Variants in BLTP1 observed in about 807,000 individuals in gnomAD.
The protein encoded by BLTP1 is bridge-like lipid transfer protein family member 1.
chr4:122,351,778 G>T, the BLTP1 span, among the ~76,000 whole-genome samples: 1 of 152,026 alleles, frequency 6.6e-6, no homozygotes, highest in Non-Finnish European at 1.5e-5. Context: ...CAAAATGCCT[G>T]GCCTGGATTC....
chr4:122,204,553 CTGTT>C, the BLTP1 span: 2,995 of 984,828 alleles, frequency 3.0e-3, 70 homozygotes, highest in African/African-American at 0.048. Context: ...AGACTGCAGA[CTGTT>C]TGCCTTCTCT....
At chr4:122,155,064 T>G in the BLTP1 span, 1 of 377,054 alleles carries the variant, frequency 2.7e-6, no homozygotes, top group African/African-American at 2.2e-5. Flanking sequence ...GTGTCAGACA[T>G]CCAGGCTTCT....
chr4:122,345,152 G>A, the BLTP1 span: 1 of 542,486 alleles, frequency 1.8e-6, no homozygotes, highest in South Asian at 8.0e-5. Flanking sequence ...TATTAAGCCT[G>A]TGTTTTAGGG....
chr4:122,216,963 T>G, the BLTP1 span, among the ~76,000 whole-genome samples: 2 of 152,194 alleles, frequency 1.3e-5, no homozygotes, highest in African/African-American at 4.8e-5. Context: ...AGGATACAGT[T>G]TCATTCTTCT....
chr4:122,273,475 C>G, the BLTP1 span: 4 of 969,872 alleles, frequency 4.1e-6, no homozygotes, highest in Non-Finnish European at 4.9e-6. Flanking sequence ...GCTCAGATGT[C>G]TAAGTTGATA....
chr4:122,252,594 A>G, the BLTP1 span, among the ~76,000 whole-genome samples: 4 of 152,176 alleles, frequency 2.6e-5, no homozygotes, highest in African/African-American at 9.7e-5. Flanking sequence ...AAGAGTGGGA[A>G]GGTCTGTGTC....
At chr4:122,356,960 A>G in the BLTP1 span, 1,301 of 983,928 alleles carry the variant, frequency 1.3e-3, 9 homozygotes, top group African/African-American at 0.021. Context: ...ATACTTTACA[A>G]AGTGTTTCTG....
chr4:122,171,692 C>T, the BLTP1 span: 1 of 335,968 alleles, frequency 3.0e-6, no homozygotes, highest in Non-Finnish European at 4.2e-6. Flanking sequence ...TTTCATGACA[C>T]CCAAGGATGT....
the BLTP1 span, chr4:122,279,799 C>G: frequency 6.2e-7 from 1 of 1,613,740 alleles, no homozygotes; most frequent in Non-Finnish European, 8.5e-7. Context: ...GTAGTATTGC[C>G]AAGTCCCAAG....
chr4:122,176,929 G>A, the BLTP1 span, among the ~76,000 whole-genome samples: 1 of 152,066 alleles, frequency 6.6e-6, no homozygotes, highest in African/African-American at 2.4e-5. Context: ...AAACACACTG[G>A]TGTTTTAATA....
the BLTP1 span, chr4:122,255,066 T>C: frequency 2.6e-6 from 4 of 1,520,924 alleles, no homozygotes; most frequent in Admixed American, 5.9e-5. Context: ...AATTACTGAA[T>C]GTCTTTTATT....
the BLTP1 span, chr4:122,337,284 CACTTA>C: frequency 2.4e-6 from 1 of 412,750 alleles, no homozygotes; most frequent in African/African-American, 2.1e-5. Flanking sequence ...GCATTTAATA[CACTTA>C]ACTTACTGAA....
chr4:122,264,364 T>G, the BLTP1 span: 1 of 1,611,858 alleles, frequency 6.2e-7, no homozygotes, highest in Non-Finnish European at 8.5e-7. Flanking sequence ...CCAGTCAGGA[T>G]GATGTGGCAG....
chr4:122,303,243 C>G, the BLTP1 span, among the ~76,000 whole-genome samples: 1 of 152,164 alleles, frequency 6.6e-6, no homozygotes, highest in Admixed American at 6.5e-5. Flanking sequence ...ATCAGTGGAA[C>G]AACAAAGTCT....
the BLTP1 span, chr4:122,308,309 A>G: frequency 2.4e-6 from 2 of 847,024 alleles, no homozygotes; most frequent in South Asian, 1.7e-5. Context: ...TCCTTCAACC[A>G]TTACTCATCT....
At chr4:122,282,530 T>C in the BLTP1 span, among the ~76,000 whole-genome samples, 3 of 152,078 alleles carry the variant, frequency 2.0e-5, no homozygotes, top group Middle Eastern at 3.2e-3. Context: ...TAATCCCAGC[T>C]ACTCAGGAAG....
the BLTP1 span, chr4:122,209,257 T>A: frequency 5.6e-6 from 9 of 1,613,202 alleles, no homozygotes; most frequent in Non-Finnish European, 7.6e-6. Context: ...ATAAGATGAT[T>A]CATGATACTG....
chr4:122,243,433 C>G, the BLTP1 span: 176 of 985,202 alleles, frequency 1.8e-4, no homozygotes, highest in African/African-American at 2.4e-3. Context: ...TTTGGAAGGT[C>G]TTTGGGACAT....
At chr4:122,241,168 A>G in the BLTP1 span, among the ~76,000 whole-genome samples, 3 of 152,150 alleles carry the variant, frequency 2.0e-5, no homozygotes, top group Non-Finnish European at 2.9e-5. Flanking sequence ...TAATATTTAG[A>G]CTTAAATTTG....
Sources: gnomAD v4.1 joint callset for allele counts (sites outside exome capture counted in the v4.1 genomes callset) on GRCh38, gnomAD v4.1.1 for gene constraint, MANE v1.5 for transcripts, NCBI Gene and HGNC (gene_info 2026-07-23, HGNC 2026-07-21) for gene names.